The following JAK3 variants were observed in gnomAD, a reference collection of about 807,000 sequenced individuals.
JAK3 encodes the protein tyrosine-protein kinase JAK3.
JAK3 carries 88 observed loss-of-function variants against 120.8 expected under a neutral mutation model. That is an observed-to-expected ratio of 0.73 (90% CI 0.61 to 0.87). The LOEUF is 0.87. Among genes scored for constraint, JAK3 ranks in the 40% least tolerant of loss-of-function variants. The pLI, the probability that JAK3 is intolerant of heterozygous loss-of-function variation, is 0.00. For missense variants in JAK3, 1,254 were observed against 1,501.4 expected (o/e 0.84, Z 2.72); for synonymous variants, 592 against 628.6 (o/e 0.94, Z 0.87).
rs1354716418 is a variant in JAK3 at position 17,835,199 on chromosome 19, G to A, written c.1931C>T (p.Pro644Leu). The part of the protein sequence containing the change: ...ALNYLEDKGL[P>L]HGNVSARKVL... ...CTTCCGGGCAGAGACATTGCCATGG[G>A]GCAGGCCTTTGTCCTCCTAAGGGGG... The change falls in exon 15 of 24, where the codon CCC (proline) becomes CTC (leucine). Residue 644 changes from proline to leucine, a missense_variant. Pro to Leu is a moderately conservative substitution (Grantham distance 98, BLOSUM62 -3). Transcript: ENST00000458235. The A allele has an allele frequency of 1.2e-6, 2 of 1,614,128 alleles. No homozygotes were observed. Among genetic ancestry groups the A allele is most frequent in the Non-Finnish European group, 1.7e-6 (2 of 1,180,038 alleles).
In JAK3 at chr19:17,843,439, G is replaced by C. The variant is rs776850935; in HGVS notation, c.361C>G (p.Arg121Gly). The C allele has an allele frequency of 1.3e-6, 2 of 1,599,972 alleles. No homozygotes were observed. The highest frequency in any genetic ancestry group is 1.7e-6 in the Non-Finnish European group (2 of 1,173,460). ...AGGATAGCACTGGCCAAATCCTTGC[G>C]TAGCCCGAAGCGGTGGCACTTCTCC... Reference protein sequence around the residue: ...GLEKCHRFGLRKDLASAILDL... With the variant: ...GLEKCHRFGLGKDLASAILDL... The change falls in exon 4 of 24, where the codon CGC (arginine) becomes GGC (glycine). Residue 121 changes from arginine to glycine, a missense_variant. By Grantham distance (125) the Arg-to-Gly change is moderately radical. This residue lies in a region of JAK3 where 138 missense variants were observed against 178.7 expected (regional missense o/e 0.77). Coordinates refer to ENST00000458235, the MANE Select transcript of JAK3 (RefSeq NM_000215.4). The surrounding 1 kb of genome is among the most constrained non-coding windows in gnomAD (Gnocchi z 5.4).
At position 17,839,650 on chromosome 19, in the gene JAK3, G is replaced by A; in HGVS notation, c.1268C>T (p.Pro423Leu). Residue 423 changes from proline to leucine, a missense_variant, in exon 10 of 24, where the codon CCT becomes CTT. Physicochemically the swap from Pro to Leu is moderately conservative, Grantham distance 98 (BLOSUM62 -3). This residue lies in a region of JAK3 where 486 missense variants were observed against 503.0 expected (regional missense o/e 0.97). Transcript: ENST00000458235. ...CCGGATGAGGCAGCCCTTATAATCAGGACCAAGGGGGTTCTGCAAAGAAGA... is the reference window on the plus strand; with the variant it reads ...CCGGATGAGGCAGCCCTTATAATCAAGACCAAGGGGGTTCTGCAAAGAAGA... ...LTVCVQNPLG[P>L]DYKGCLIRRS... 2 of 1,610,368 alleles carry A rather than the reference G, an allele frequency of 1.2e-6. No individual in the cohort carries two copies. Among genetic ancestry groups the A allele is most frequent in the Non-Finnish European group, 8.5e-7 (1 of 1,178,916 alleles).
rs2094216954 is a variant in JAK3, at chr19:17,832,859, C to T, written c.2421G>A (p.Gln807=). ...APRDGLWNGA[Q]LYACQDPTIF... ...TCGTGGGGTCTTGGCAGGCATAGAG[C>T]TGGGCACCATTCCACAGCCCATCAC... The change falls in exon 18 of 24, where the codon CAG becomes CAA. Residue 807 remains glutamine, a synonymous_variant. Coordinates refer to ENST00000458235, the MANE Select transcript of JAK3 (RefSeq NM_000215.4). This position sits in a 1 kb window ranked among gnomAD's most constrained non-coding sequence, Gnocchi z 4.7. 1 of 1,614,202 alleles carries T rather than the reference C, an allele frequency of 6.2e-7. No homozygotes were observed. Among genetic ancestry groups the T allele is most frequent in the Non-Finnish European group, 8.5e-7 (1 of 1,180,018 alleles).
Position 17,842,655 on chromosome 19 carries a change from G to C in JAK3, c.567-45C>G. On this transcript the variant is annotated intron_variant, in intron 5 of 23. Coordinates refer to ENST00000458235, the MANE Select transcript of JAK3 (RefSeq NM_000215.4). This position sits in a 1 kb window ranked among gnomAD's most constrained non-coding sequence, Gnocchi z 6.4. Reference sequence around the variant, plus strand: ...GGGAGCCGGCCCTCAGCGTCGGGAGGGGTCCCCGCGGGGACACACACAAAC... The same window carrying C: ...GGGAGCCGGCCCTCAGCGTCGGGAGCGGTCCCCGCGGGGACACACACAAAC... The C allele has an allele frequency of 2.7e-6, 4 of 1,491,970 alleles. No individual in the cohort carries two copies. Among genetic ancestry groups the C allele is most frequent in the Non-Finnish European group, 3.6e-6 (4 of 1,114,580 alleles). 92.4% of individuals were successfully genotyped at this position (1,491,970 alleles called of 1,614,324 possible).
chr19:17,839,699 G>GACAGACAC (rs761969061), intron 9 of JAK3, 36 bp from the exon 10 acceptor site: 14 of 1,492,864 alleles, frequency 9.4e-6, no homozygotes, highest in Non-Finnish European at 9.2e-6. Flanking sequence ...GGGACTGAGC[G>GACAGACAC]ACAGACACTC....
At position 17,843,209 on chromosome 19, in the gene JAK3, C is replaced by T; in HGVS notation, c.421-37G>A. Reference sequence around the variant, plus strand: ...CCACAGGGAGCATCAGCTGAGGCCACCCAACTTCAAGCCCTGTTGTTAACC... The same window carrying T: ...CCACAGGGAGCATCAGCTGAGGCCATCCAACTTCAAGCCCTGTTGTTAACC... On this transcript the variant is annotated intron_variant, in intron 4 of 23. Coordinates refer to ENST00000458235, the MANE Select transcript of JAK3 (RefSeq NM_000215.4). The surrounding 1 kb of genome is among the most constrained non-coding windows in gnomAD (Gnocchi z 5.4). 2.5e-6 allele frequency: 4 copies of T among 1,588,624 alleles called. No homozygotes were observed. The highest frequency in any genetic ancestry group is 1.3e-5 in the African/African-American group (1 of 74,562).
At chr19:17,844,509 G>T in intron 1 of JAK3, 79 bp from the exon 2 acceptor site, 1 of 1,332,094 alleles carries the variant, frequency 7.5e-7, no homozygotes, top group Non-Finnish European at 1.0e-6. Flanking sequence ...ATGGAAAGGA[G>T]TGCTGGAGGC....
intron 1 of JAK3, 37 bp from the exon 2 acceptor site, chr19:17,844,467 C>T (rs1398197624): frequency 1.3e-6 from 2 of 1,557,382 alleles, no homozygotes; most frequent in Non-Finnish European, 1.7e-6. Context: ...CAGTCCTGGT[C>T]AGAGGGGATT....
rs2147682522 is a variant in JAK3 at position 17,834,997 on chromosome 19, G to A, written c.2054C>T (p.Thr685Ile). ...SPAVLSLEMLTDRIPWVAPEC... is the reference protein window; with the variant it reads ...SPAVLSLEMLIDRIPWVAPEC... ...GGGGGCCACCCAGGGGATCCTGTCG[G>A]TGAGCACTGAGGGAATGAAAGTGGG... Residue 685 changes from threonine to isoleucine, a missense_variant, in exon 16 of 24, where the codon ACC becomes ATC. Transcript: ENST00000458235. 3 of 1,614,110 alleles carry A rather than the reference G, an allele frequency of 1.9e-6. No individual in the cohort carries two copies. Among genetic ancestry groups the A allele is most frequent in the Non-Finnish European group, 2.5e-6 (3 of 1,180,026 alleles).
Position 17,826,695 on chromosome 19 carries a change from C to A in JAK3, c.*48G>T. On this transcript the variant is annotated 3_prime_UTR_variant, in exon 24 of 24. Transcript: ENST00000458235. ...AGAGGGGCAGCTCCGGGCCTAAGGT[C>A]ACACAGCCAGTCAACAGAGACCTAA... is the stretch of plus-strand genomic sequence containing the variant. 6.2e-7 allele frequency: 1 copy of A among 1,608,482 alleles called. No individual in the cohort carries two copies. Among genetic ancestry groups the A allele is most frequent in the South Asian group, 1.1e-5 (1 of 90,874 alleles).
intron 12 of JAK3, 51 bp downstream of exon 12, chr19:17,837,881 C>T: frequency 6.2e-7 from 1 of 1,612,542 alleles, no homozygotes; most frequent in Admixed American, 1.7e-5. Flanking sequence ...CATCCACGAC[C>T]CCCTCTCCAG....
chr19:17,839,790 G>C, intron 9 of JAK3, 127 bp from the exon 10 acceptor site: 1 of 847,790 alleles, frequency 1.2e-6, no homozygotes, highest in Non-Finnish European at 1.8e-6. Context: ...ACCCAGGCTG[G>C]AGTGCAATGG....
At position 17,826,806 on chromosome 19, in the gene JAK3, C is replaced by T. The variant is rs758952279; in HGVS notation, c.3312G>A (p.Gly1104=). 20 of 1,613,942 alleles carry T rather than the reference C, an allele frequency of 1.2e-5. No homozygotes were observed. Among genetic ancestry groups the T allele is most frequent in the East Asian group, 2.2e-5 (1 of 44,872 alleles). ...QLDMLWSGSR[G]CETHAFTAHP... is the part of the protein sequence containing the mutation. ...GAGCAGTGAAGGCATGAGTCTCACA[C>T]CCCCGGCTTCCGCTCCACAGCATGT... The change falls in exon 24 of 24, where the codon GGG becomes GGA. Residue 1104 remains glycine (G), a synonymous_variant. Transcript: ENST00000458235.
chr19:17,847,603 G>T (rs1426808875), intron 1 of JAK3, among the ~76,000 whole-genome samples: 1 of 152,134 alleles, frequency 6.6e-6, no homozygotes, highest in Non-Finnish European at 1.5e-5. Flanking sequence ...TGTCTGGACC[G>T]GGAAGGCCTG....
At position 17,847,950 on chromosome 19, in the gene JAK3, C is replaced by A; in HGVS notation, c.-18G>T. ...TGCGGCATCGCCAGCTCTTACCTAG[C>A]GGGCAGGGACCCTGGACTTTCGAAG... On this transcript the variant is annotated 5_prime_UTR_variant, in exon 1 of 24. Transcript: ENST00000458235. 9.7e-7 allele frequency: 1 copy of A among 1,033,010 alleles called. No individual in the cohort carries two copies. The highest frequency in any genetic ancestry group is 1.2e-6 in the Non-Finnish European group (1 of 857,470). 64.0% of individuals were successfully genotyped at this position (1,033,010 alleles called of 1,614,324 possible).
chr19:17,840,705 T>C lies in JAK3; in HGVS notation c.1143-364A>G, dbSNP rs3212738. On this transcript the variant is annotated intron_variant, in intron 8 of 23. Coordinates refer to ENST00000458235, the MANE Select transcript of JAK3 (RefSeq NM_000215.4). ...GTGACCCTGGGAAGCAGAGGTTGCA[T>C]TGAGCCGAGATCGTGCCACTGCACT... Among the ~76,000 whole-genome samples the C allele has an allele frequency of 1.1e-3, 163 of 151,614 alleles. 1 individual carries two copies. The highest frequency in any genetic ancestry group is 3.8e-3 in the African/African-American group (156 of 41,250).
At chr19:17,829,768 AAAG>A (rs2094210342) in intron 23 of JAK3, 83 of 460,488 alleles carry the variant, frequency 1.8e-4, no homozygotes, top group Non-Finnish European at 1.9e-4. Context: ...AGAAAGAAAG[AAAG>A]AAAAAAAAAA....
Position 17,831,922 on chromosome 19 carries a change from C to T in JAK3, c.2681-124G>A, listed in dbSNP as rs2094215344. 4 of 1,161,204 alleles carry T rather than the reference C, an allele frequency of 3.4e-6. No individual in the cohort carries two copies. Among genetic ancestry groups the T allele is most frequent in the Admixed American group, 1.9e-5 (1 of 53,120 alleles). The allele number at this position is 1,161,204 out of a possible 1,614,324, so 71.9% of individuals were successfully genotyped here. ...GTTTTGCTGACTGTAATATGGGAAC[C>T]GCAACAATGACACATTGCTAATATC... On this transcript the variant is annotated intron_variant, in intron 19 of 23. Transcript: ENST00000458235. The surrounding 1 kb of genome is among the most constrained non-coding windows in gnomAD (Gnocchi z 5.1).
rs2094214464 is a variant in JAK3, at chr19:17,831,502, T to A, written c.2806-102A>T. The A allele has an allele frequency of 6.5e-7, 1 of 1,530,212 alleles. No homozygotes were observed. The highest frequency in any genetic ancestry group is 8.9e-7 in the Non-Finnish European group (1 of 1,127,550). 94.8% of individuals were successfully genotyped at this position (1,530,212 alleles called of 1,614,324 possible). ...CCAACCCAGACCCCAACTATAACCCTACCCCCGAGCCATCCTCCACTGAAG... is the reference window on the plus strand; with the variant it reads ...CCAACCCAGACCCCAACTATAACCCAACCCCCGAGCCATCCTCCACTGAAG... On this transcript the variant is annotated intron_variant, in intron 20 of 23. Coordinates refer to ENST00000458235, the MANE Select transcript of JAK3 (RefSeq NM_000215.4). The surrounding 1 kb of genome is among the most constrained non-coding windows in gnomAD (Gnocchi z 5.1).
Sources: gnomAD v4.1 joint callset for allele counts (sites outside exome capture counted in the v4.1 genomes callset) on GRCh38, gnomAD v4.1.1 for gene constraint, gnomAD v4.1.1 regional missense constraint, Gnocchi (gnomAD v3.1) non-coding constraint, MANE v1.5 for transcripts, NCBI Gene and HGNC (gene_info 2026-07-23, HGNC 2026-07-21) for gene names.